Variants in ELOC observed in about 807,000 individuals in gnomAD.
The protein encoded by ELOC is elongin C, also known as elongin-C.
For missense variants in ELOC, 38 were observed against 139.0 expected, an observed-to-expected ratio of 0.27 and a Z score of 3.65; for synonymous variants, 40 against 51.3, an observed-to-expected ratio of 0.78 and a Z score of 0.94.
At chr8:73,968,326 C>T (rs1815127446) in intron 1 of ELOC, among the ~76,000 whole-genome samples, 1 of 152,182 alleles carries the variant, frequency 6.6e-6, no homozygotes, top group Non-Finnish European at 1.5e-5. Context: ...AACTCAGCTT[C>T]CCATGTTTAT....
intron 2 of ELOC, among the ~76,000 whole-genome samples, chr8:73,956,860 G>A (rs1586604354): frequency 6.6e-6 from 1 of 152,136 alleles, no homozygotes; most frequent in Non-Finnish European, 1.5e-5. Context: ...GATCAAGTAT[G>A]TATTTAGGCT....
chr8:73,968,429 A>G (rs1815138240), intron 1 of ELOC, among the ~76,000 whole-genome samples: 1 of 152,176 alleles, frequency 6.6e-6, no homozygotes, highest in African/African-American at 2.4e-5. Flanking sequence ...AAACGACCTA[A>G]TTATTCTCTC....
rs182555769 is a variant in ELOC, at chr8:73,945,457, T to C, written c.*1173A>G. The C allele has an allele frequency of 7.9e-4, 121 of 152,308 alleles. No homozygotes were observed. The highest frequency in any genetic ancestry group is 2.3e-3 in the African/African-American group (96 of 41,574). 9.4% of individuals were successfully genotyped at this position (152,308 alleles called of 1,614,324 possible). On this transcript the variant is annotated 3_prime_UTR_variant, in exon 4 of 4. Coordinates refer to ENST00000520242, the MANE Select transcript of ELOC (RefSeq NM_005648.4). Reference sequence around the variant, plus strand: ...CTCAAATAAGCTGGAGACTTAAGTTTATAGACCCTATAATGACAACTTTGT... The same window carrying C: ...CTCAAATAAGCTGGAGACTTAAGTTCATAGACCCTATAATGACAACTTTGT...
intron 3 of ELOC, among the ~76,000 whole-genome samples, chr8:73,951,906 C>T (rs948577344): frequency 1.3e-5 from 2 of 152,138 alleles, no homozygotes; most frequent in African/African-American, 4.8e-5. Context: ...TGATTTTCAA[C>T]AAGGGTGCTA....
At chr8:73,961,965 G>A (rs1814636148) in intron 1 of ELOC, among the ~76,000 whole-genome samples, 1 of 151,546 alleles carries the variant, frequency 6.6e-6, no homozygotes. Context: ...GCGTGATCTT[G>A]GCTCACTGCA....
intron 3 of ELOC, among the ~76,000 whole-genome samples, chr8:73,950,920 A>T (rs746081272): frequency 1.4e-4 from 21 of 152,222 alleles, no homozygotes; most frequent in Non-Finnish European, 2.2e-4. Context: ...AAATGGCACA[A>T]CATCAGGCAT....
At chr8:73,971,179 G>T (rs573936288) in intron 1 of ELOC, among the ~76,000 whole-genome samples, 1 of 152,168 alleles carries the variant, frequency 6.6e-6, no homozygotes, top group African/African-American at 2.4e-5. Context: ...GCCGACGGGG[G>T]CGGATCACTT....
At chr8:73,950,654 A>AAG (rs1813693258) in intron 3 of ELOC, among the ~76,000 whole-genome samples, 1 of 152,222 alleles carries the variant, frequency 6.6e-6, no homozygotes, top group African/African-American at 2.4e-5. Flanking sequence ...CCCACTGATC[A>AAG]AGCTTGACAC....
At chr8:73,948,968 G>C (rs1813571474) in intron 3 of ELOC, among the ~76,000 whole-genome samples, 1 of 152,096 alleles carries the variant, frequency 6.6e-6, no homozygotes, top group African/African-American at 2.4e-5. Context: ...CTCTTCACAA[G>C]ACATTTTCCT....
intron 3 of ELOC, among the ~76,000 whole-genome samples, chr8:73,949,625 G>A (rs1469573634): frequency 6.6e-6 from 1 of 152,060 alleles, no homozygotes; most frequent in African/African-American, 2.4e-5. Flanking sequence ...TACCTACTCT[G>A]GATATTTCAT....
intron 1 of ELOC, among the ~76,000 whole-genome samples, chr8:73,963,823 T>C (rs1161040975): frequency 6.6e-6 from 1 of 152,242 alleles, no homozygotes; most frequent in Non-Finnish European, 1.5e-5. Flanking sequence ...CTGGGTGTGA[T>C]GGCTCACGCC....
chr8:73,970,277 T>C (rs1279495463), intron 1 of ELOC, among the ~76,000 whole-genome samples: 2 of 152,130 alleles, frequency 1.3e-5, no homozygotes, highest in Non-Finnish European at 2.9e-5. Flanking sequence ...ATAGCAAAGA[T>C]TTCCCTGATT....
intron 1 of ELOC, among the ~76,000 whole-genome samples, chr8:73,971,387 G>C (rs1232336827): frequency 6.6e-6 from 1 of 152,168 alleles, no homozygotes; most frequent in Non-Finnish European, 1.5e-5. Flanking sequence ...GGCAACAAGA[G>C]CAAGTCTGTC....
intron 3 of ELOC, among the ~76,000 whole-genome samples, chr8:73,953,814 T>C (rs1330759772): frequency 6.6e-6 from 1 of 152,070 alleles, no homozygotes; most frequent in African/African-American, 2.4e-5. Flanking sequence ...AGAATTGTCA[T>C]ATGATCAAGC....
intron 1 of ELOC, chr8:73,970,542 T>C (rs1815286588): frequency 6.6e-6 from 1 of 152,162 alleles, no homozygotes; most frequent in African/African-American, 2.4e-5. Context: ...CAAATCATCA[T>C]TGGCAAGAAA....
At chr8:73,956,159 G>A in intron 2 of ELOC, 105 bp from the exon 3 acceptor site, 2 of 1,076,892 alleles carry the variant, frequency 1.9e-6, no homozygotes, top group Non-Finnish European at 2.7e-6. Context: ...CCAGCACTTT[G>A]GCAGGCCAAT....
chr8:73,946,540 A>G lies in ELOC; in HGVS notation c.*90T>C. On this transcript the variant is annotated 3_prime_UTR_variant, in exon 4 of 4. Transcript: ENST00000520242. The stretch of plus-strand genomic sequence containing the variant: ...AACTTTATATAGTTCAACTGCATAC[A>G]GGCAACATGCTATATATGAAAAAGT... 2 of 1,004,634 alleles carry G rather than the reference A, an allele frequency of 2.0e-6. No individual in the cohort carries two copies. Among genetic ancestry groups the G allele is most frequent in the Non-Finnish European group, 2.8e-6 (2 of 705,712 alleles). 62.2% of individuals were successfully genotyped at this position (1,004,634 alleles called of 1,614,324 possible). A position where few individuals can be genotyped will look rare whatever the true frequency, so the allele number is the denominator to read the frequency against.
At chr8:73,959,959 A>C (rs1814478722) in intron 1 of ELOC, 141 bp from the exon 2 acceptor site, 1 of 418,970 alleles carries the variant, frequency 2.4e-6, no homozygotes. Flanking sequence ...CTACAACAAA[A>C]ACACTGTACT....
rs1729117055 is a variant in ELOC at position 73,955,892 on chromosome 8, A to C, written c.148+19T>G. 2 of 1,578,906 alleles carry C rather than the reference A, an allele frequency of 1.3e-6. No individual in the cohort carries two copies. Among genetic ancestry groups the C allele is most frequent in the Non-Finnish European group, 1.7e-6 (2 of 1,160,914 alleles). On this transcript the variant is annotated intron_variant, in intron 3 of 3. Transcript: ENST00000520242. ...CATTAAAAGTGAATATATGAAGAAA[A>C]AGACAGAACTGTGCTTACCTGGGCC...
Sources: allele counts gnomAD v4.1 joint callset (sites outside exome capture counted in the v4.1 genomes callset), GRCh38; gene constraint gnomAD v4.1.1; transcripts MANE v1.5; gene names NCBI Gene and HGNC (gene_info 2026-07-23, HGNC 2026-07-21).